Variants in LRATD1 observed in about 807,000 individuals in gnomAD.
The protein encoded by LRATD1 is LRAT domain containing 1, also known as protein LRATD1.
Under a neutral mutation model 21.3 loss-of-function variants are expected in LRATD1, and 8 were observed. The observed-to-expected ratio is 0.38, with a 90% CI of 0.22 to 0.68. The LOEUF (loss-of-function observed/expected upper bound fraction) is 0.68, where lower values mean the gene tolerates loss of function less well. Ranked by LOEUF, LRATD1 falls within the 30% of genes least tolerant of loss-of-function variation. LRATD1 has a pLI of 0.54. For missense variants in LRATD1, 380 were observed against 404.0 expected, an observed-to-expected ratio of 0.94 and a Z score of 0.51; for synonymous variants, 210 against 186.2, an observed-to-expected ratio of 1.13 and a Z score of -1.04.
rs1027499094 is a variant in LRATD1 at position 14,633,182 on chromosome 2, G to A, written c.-37+245G>A. 1.3e-5 allele frequency among the ~76,000 whole-genome samples: 2 copies of A among 152,216 alleles called. No individual in the cohort carries two copies. Among genetic ancestry groups the A allele is most frequent in the African/African-American group, 2.4e-5 (1 of 41,470 alleles). On this transcript the variant is annotated intron_variant, in intron 1 of 1. Transcript: ENST00000295092. The surrounding 1 kb of genome is among the most constrained non-coding windows in gnomAD (Gnocchi z 7.5). ...GCGCAGTCCCATTGGCCCTGATGGG[G>A]ACAAGGCAAGAGAAGTAAGGGGCAG...
At chr2:14,650,529 T>C (rs1373986313), downstream of LRATD1, 2 of 152,240 alleles carry the variant, frequency 1.3e-5, no homozygotes, top group African/African-American at 4.8e-5. Context: ...ATAAAACCAC[T>C]ATTCACATAT....
Position 14,638,552 on chromosome 2 carries a change from T to C in LRATD1, c.*3694T>C, listed in dbSNP as rs1198998475. 8 of 167,038 alleles carry C rather than the reference T, an allele frequency of 4.8e-5. No individual in the cohort carries two copies. In the Admixed American group the frequency reaches 5.2e-4, roughly 11 times the overall value. The allele number at this position is 167,038 out of a possible 1,614,324, so 10.3% of individuals were successfully genotyped here. On this transcript the variant is annotated 3_prime_UTR_variant, in exon 2 of 2. Transcript: ENST00000295092. ...AGTATTTACAAAATAATTAATTACCTGAATAAGCAGTATATACTAAAAGTC... is the reference window on the plus strand; with the variant it reads ...AGTATTTACAAAATAATTAATTACCCGAATAAGCAGTATATACTAAAAGTC...
At chr2:14,651,760 ATATT>A (rs1310815129), downstream of LRATD1, among the ~76,000 whole-genome samples, 1 of 151,980 alleles carries the variant, frequency 6.6e-6, no homozygotes, top group African/African-American at 2.4e-5. Flanking sequence ...ATTATCATAA[ATATT>A]AATAATGTAT....
rs547001844 is a variant in LRATD1, at chr2:14,634,142, G to A, written c.163G>A (p.Val55Met). The A allele has an allele frequency of 3.2e-5, 51 of 1,614,036 alleles. No individual in the cohort carries two copies. In the South Asian group the frequency reaches 5.6e-4, roughly 18 times the overall value. Residue 55 changes from valine (V) to methionine (M), a missense_variant, in exon 2 of 2, where the codon GTG (valine) becomes ATG (methionine). Physicochemically the swap from Val to Met is conservative, Grantham distance 21. Coordinates refer to ENST00000295092, the MANE Select transcript of LRATD1 (RefSeq NM_145175.4). ...ACGCGGGCAGCCCGACAAGTTTGGC[G>A]TGAAGGCCCCCCCGGGTTGCACCCC... ...DERGQPDKFG[V>M]KAPPGCTPCP...
Position 14,636,205 on chromosome 2 carries a change from ATGG to A in LRATD1, c.*1351_*1353del, listed in dbSNP as rs887006725. 5 of 172,538 alleles carry A rather than the reference ATGG, an allele frequency of 2.9e-5. No individual in the cohort carries two copies. Among genetic ancestry groups the A allele is most frequent in the African/African-American group, 1.2e-4 (5 of 41,448 alleles). The allele number at this position is 172,538 out of a possible 1,614,324, so 10.7% of individuals were successfully genotyped here. ...TTGGCTTTCAACAGCAGCCCTAGTAATGGTGGAGTTGTTAATTAATGTGTATAT... is the reference window on the plus strand; with the variant it reads ...TTGGCTTTCAACAGCAGCCCTAGTAATGGAGTTGTTAATTAATGTGTATAT... On this transcript the variant is annotated 3_prime_UTR_variant, in exon 2 of 2. Transcript: ENST00000295092.
At chr2:14,644,502 G>C (rs1240077125), downstream of LRATD1, among the ~76,000 whole-genome samples, 1 of 152,144 alleles carries the variant, frequency 6.6e-6, no homozygotes, top group Non-Finnish European at 1.5e-5. Flanking sequence ...CAGTTTAAAT[G>C]TGTTTAAGCG....
chr2:14,635,758 G>C lies in LRATD1; in HGVS notation c.*900G>C, dbSNP rs1671676534. On this transcript the variant is annotated 3_prime_UTR_variant, in exon 2 of 2. Coordinates refer to ENST00000295092, the MANE Select transcript of LRATD1 (RefSeq NM_145175.4). ...CTGAACCCTTGATTGCTCCCTCCTC[G>C]GGCTGCATTTCAAAAATAGTCATAT... 2.6e-6 allele frequency: 1 copy of C among 382,040 alleles called. No individual in the cohort carries two copies. The highest frequency in any genetic ancestry group is 3.5e-5 in the Admixed American group (1 of 28,548). The allele number at this position is 382,040 out of a possible 1,614,324, so 23.7% of individuals were successfully genotyped here.
downstream of LRATD1, among the ~76,000 whole-genome samples, chr2:14,651,308 A>G (rs1050619601): frequency 6.6e-6 from 1 of 152,118 alleles, no homozygotes; most frequent in Non-Finnish European, 1.5e-5. Context: ...ATTATGCTAT[A>G]CTTCTCTTAA....
At chr2:14,647,868 C>T (rs1437100526) in intron 4 of LRATD1, among the ~76,000 whole-genome samples, 1 of 152,128 alleles carries the variant, frequency 6.6e-6, no homozygotes. Flanking sequence ...ATGACTGCAT[C>T]TAAGCTGCAC....
chr2:14,644,591 T>C (rs912280723), downstream of LRATD1, among the ~76,000 whole-genome samples: 1 of 152,192 alleles, frequency 6.6e-6, no homozygotes, highest in African/African-American at 2.4e-5. Context: ...TCCCAGTGTA[T>C]ACTTGTAGAC....
Position 14,635,002 on chromosome 2 carries a change from C to A in LRATD1, c.*144C>A. On this transcript the variant is annotated 3_prime_UTR_variant, in exon 2 of 2. Coordinates refer to ENST00000295092, the MANE Select transcript of LRATD1 (RefSeq NM_145175.4). The stretch of plus-strand genomic sequence containing the variant: ...CCGCCGGTGGCCCGGGCCCGGGCTG[C>A]ACCCCCGCATCCCCAAGCCAGCGGC... The A allele has an allele frequency of 8.7e-7, 1 of 1,151,282 alleles. No individual in the cohort carries two copies. The highest frequency in any genetic ancestry group is 2.2e-5 in the Admixed American group (1 of 44,872). 71.3% of individuals were successfully genotyped at this position (1,151,282 alleles called of 1,614,324 possible).
At chr2:14,647,906 T>C (rs1020374949) in intron 4 of LRATD1, among the ~76,000 whole-genome samples, 4 of 152,166 alleles carry the variant, frequency 2.6e-5, no homozygotes, top group African/African-American at 9.6e-5. Context: ...TACCCACAGC[T>C]GTGTTCCCAT....
chr2:14,650,977 G>A (rs1451864376), downstream of LRATD1, among the ~76,000 whole-genome samples: 2 of 152,144 alleles, frequency 1.3e-5, no homozygotes, highest in Non-Finnish European at 2.9e-5. Flanking sequence ...TTCATGGCCT[G>A]TCACAATCAT....
At chr2:14,642,658 G>T (rs574650629), downstream of LRATD1, among the ~76,000 whole-genome samples, 1 of 150,812 alleles carries the variant, frequency 6.6e-6, no homozygotes, top group African/African-American at 2.4e-5. Context: ...GGGTCGGGGG[G>T]TGGGGGCAGA....
rs1005075292 is a variant in LRATD1 at position 14,634,678 on chromosome 2, G to A, written c.699G>A (p.Pro233=). 1.3e-6 allele frequency: 2 copies of A among 1,550,010 alleles called. No individual in the cohort carries two copies. The highest frequency in any genetic ancestry group is 2.3e-5 in the East Asian group (1 of 43,382). The change falls in exon 2 of 2, where the codon CCG becomes CCA. Residue 233 remains proline (P), a synonymous_variant. Transcript: ENST00000295092. ...AGTTCAAGGCGGGAGGGGAGGTGCC[G>A]GCAGGCACGCAGCCCCCGCAGCAGC... ...KREFKAGGEV[P]AGTQPPQQQY...
downstream of LRATD1, among the ~76,000 whole-genome samples, chr2:14,641,668 C>T (rs1430279259): frequency 6.6e-6 from 1 of 152,174 alleles, no homozygotes; most frequent in Non-Finnish European, 1.5e-5. Flanking sequence ...CATGGTCTGG[C>T]CCCTATCTTC....
Position 14,633,032 on chromosome 2 carries a change from C to A in LRATD1, c.-37+95C>A, listed in dbSNP as rs1671588577. On this transcript the variant is annotated intron_variant, in intron 1 of 1. Coordinates refer to ENST00000295092, the MANE Select transcript of LRATD1 (RefSeq NM_145175.4). This position sits in a 1 kb window ranked among gnomAD's most constrained non-coding sequence, Gnocchi z 7.5. Reference sequence around the variant, plus strand: ...GGTAGGAGGGAGAGGGGTCTTTGGGCTAAAAGTGAACCTCTCTACACACAC... The same window carrying A: ...GGTAGGAGGGAGAGGGGTCTTTGGGATAAAAGTGAACCTCTCTACACACAC... 1 of 152,402 alleles carries A rather than the reference C, an allele frequency of 6.6e-6. No individual in the cohort carries two copies. The highest frequency in any genetic ancestry group is 2.1e-4 in the South Asian group (1 of 4,824). 9.4% of individuals were successfully genotyped at this position (152,402 alleles called of 1,614,324 possible). A position where few individuals can be genotyped will look rare whatever the true frequency, so the allele number is the denominator to read the frequency against.
chr2:14,634,264 C>A lies in LRATD1; in HGVS notation c.285C>A (p.Ile95=). The A allele has an allele frequency of 6.2e-7, 1 of 1,608,416 alleles. No individual in the cohort carries two copies. The highest frequency in any genetic ancestry group is 8.5e-7 in the Non-Finnish European group (1 of 1,179,656). Residue 95 remains isoleucine, a synonymous_variant, in exon 2 of 2, where the codon ATC becomes ATA. Coordinates refer to ENST00000295092, the MANE Select transcript of LRATD1 (RefSeq NM_145175.4). ...CCGCCTTTCGGGGCCAGGAATGCAT[C>A]TTTTCCAAAGTGAGCGGTGGCCCTC... ...QFSAFRGQEC[I]FSKVSGGPQG... is the part of the protein sequence containing the mutation.
chr2:14,643,068 T>C (rs1386773622), downstream of LRATD1, among the ~76,000 whole-genome samples: 1 of 152,166 alleles, frequency 6.6e-6, no homozygotes. Context: ...TTATTACTAA[T>C]TTGGGATTCG....
Sources: allele counts gnomAD v4.1 joint callset (sites outside exome capture counted in the v4.1 genomes callset), GRCh38; gene constraint gnomAD v4.1.1; non-coding constraint Gnocchi (gnomAD v3.1); transcripts MANE v1.5; gene names NCBI Gene and HGNC (gene_info 2026-07-23, HGNC 2026-07-21).